The following RBFOX1 variants were observed in gnomAD, a reference collection of about 807,000 sequenced individuals.
The protein encoded by RBFOX1 is RNA binding fox-1 homolog 1.
RBFOX1 carries 8 observed loss-of-function variants against 57.7 expected under a neutral mutation model. The ratio of observed to expected loss-of-function variants is 0.14; its 90% confidence interval spans 0.08 to 0.25. The LOEUF is 0.25. Ranked by LOEUF, RBFOX1 falls within the 10% of genes least tolerant of loss-of-function variation. The pLI, the probability that RBFOX1 is intolerant of heterozygous loss-of-function variation, is 1.00. For missense variants in RBFOX1, 611 were observed against 548.5 expected (o/e 1.11, Z -1.14); for synonymous variants, 326 against 222.4 (o/e 1.47, Z -4.15).
intron 3 of RBFOX1, among the ~76,000 whole-genome samples, chr16:6,663,078 C>A (rs937909497): frequency 2.6e-5 from 4 of 152,152 alleles, no homozygotes; most frequent in East Asian, 1.9e-4. Context: ...AGGAGGGAAC[C>A]AGAAGTGGGC....
chr16:6,338,399 C>G (rs4328444), intron 2 of RBFOX1, among the ~76,000 whole-genome samples: 24,159 of 152,088 alleles, frequency 0.16, 2,042 homozygotes, highest in African/African-American at 0.21. Context: ...ACTAGAATAT[C>G]AGTCAGTAGG....
intron 2 of RBFOX1, among the ~76,000 whole-genome samples, chr16:6,322,688 C>T (rs1192710866): frequency 6.6e-6 from 1 of 152,162 alleles, no homozygotes; most frequent in East Asian, 1.9e-4. Context: ...CAATAATTGC[C>T]TTCCAGGGAG....
chr16:5,617,195 C>T (rs995464368), intron 3 of RBFOX1, among the ~76,000 whole-genome samples: 1 of 152,112 alleles, frequency 6.6e-6, no homozygotes. Context: ...TGCCAACATC[C>T]CCTCACTTCC....
intron 3 of RBFOX1, among the ~76,000 whole-genome samples, chr16:5,859,002 A>T (rs1213552186): frequency 6.6e-6 from 1 of 152,122 alleles, no homozygotes; most frequent in Non-Finnish European, 1.5e-5. Flanking sequence ...ATCACATGAG[A>T]TCAGGAGTTC....
intron 4 of RBFOX1, among the ~76,000 whole-genome samples, chr16:7,192,548 C>G (rs757725932): frequency 6.6e-6 from 1 of 152,120 alleles, no homozygotes; most frequent in South Asian, 2.1e-4. Flanking sequence ...AGACCAAAGA[C>G]AAATAACAGC....
At chr16:5,748,415 A>G (rs974138268) in intron 3 of RBFOX1, among the ~76,000 whole-genome samples, 6 of 152,122 alleles carry the variant, frequency 3.9e-5, no homozygotes, top group South Asian at 2.1e-4. Flanking sequence ...GCTGAGTTCA[A>G]TTCCTGGATA....
At chr16:5,978,606 C>A (rs1053498633) in intron 4 of RBFOX1, among the ~76,000 whole-genome samples, 15 of 152,200 alleles carry the variant, frequency 9.9e-5, no homozygotes, top group African/African-American at 3.6e-4. Flanking sequence ...TTTGGTTATC[C>A]CTTTTCACTA....
intron 4 of RBFOX1, among the ~76,000 whole-genome samples, chr16:7,419,612 CT>C (rs1316790933): frequency 2.0e-5 from 3 of 152,222 alleles, no homozygotes; most frequent in Non-Finnish European, 4.4e-5. Flanking sequence ...ACAGGGCCCC[CT>C]GCCCTTTCCC....
At chr16:6,213,699 G>C (rs1357223959) in intron 1 of RBFOX1, among the ~76,000 whole-genome samples, 3 of 152,212 alleles carry the variant, frequency 2.0e-5, no homozygotes, top group Admixed American at 6.5e-5. Flanking sequence ...AAATCATTCT[G>C]TGCTTAAGAG....
chr16:7,681,487 TAGTAGAGAAAGGC>T, intron 14 of RBFOX1, among the ~76,000 whole-genome samples: 3 of 152,120 alleles, frequency 2.0e-5, no homozygotes, highest in Non-Finnish European at 2.9e-5. Flanking sequence ...TCAGATTAAG[TAGTAGAGAAAGGC>T]TGTCATGAAA....
At position 6,925,101 on chromosome 16, in the gene RBFOX1, GGTT is replaced by G. The variant is rs1282540260; in HGVS notation, c.-15-126951_-15-126949del. ...CCAGTCTATCGTTGTTGGACATCTA[GGTT>G]GTTGGTTTTTTTTTTTTTTTTTTTT... On this transcript the variant is annotated intron_variant, in intron 3 of 15. Coordinates refer to ENST00000550418, the MANE Select transcript of RBFOX1 (RefSeq NM_018723.4). Among the ~76,000 whole-genome samples, 8 of 105,620 alleles carry G rather than the reference GGTT, an allele frequency of 7.6e-5. No homozygotes were observed. In the Admixed American group the frequency reaches 8.2e-4, roughly 11 times the overall value. 69.3% of individuals were successfully genotyped at this position (105,620 alleles called of 152,430 possible). A position where few individuals can be genotyped will look rare whatever the true frequency, so the allele number is the denominator to read the frequency against.
chr16:5,977,737 C>A (rs17139042), intron 4 of RBFOX1, among the ~76,000 whole-genome samples: 1 of 151,988 alleles, frequency 6.6e-6, no homozygotes, highest in Admixed American at 6.6e-5. Flanking sequence ...TCCAAAGATA[C>A]AGAAGGTCAG....
At chr16:6,220,138 C>T (rs1404653717) in intron 1 of RBFOX1, among the ~76,000 whole-genome samples, 1 of 151,890 alleles carries the variant, frequency 6.6e-6, no homozygotes, top group Non-Finnish European at 1.5e-5. Flanking sequence ...TATCATCTAT[C>T]TCGATATAGG....
intron 4 of RBFOX1, among the ~76,000 whole-genome samples, chr16:7,283,960 A>G (rs1168883870): frequency 6.6e-6 from 1 of 152,218 alleles, no homozygotes; most frequent in East Asian, 1.9e-4. Flanking sequence ...CCAGCTCTAG[A>G]TCCTGGGAAT....
intron 2 of RBFOX1, among the ~76,000 whole-genome samples, chr16:6,563,604 G>T (rs911884613): frequency 6.6e-6 from 1 of 152,098 alleles, no homozygotes; most frequent in South Asian, 2.1e-4. Context: ...AGCACTTTGC[G>T]AGGCCAAGGT....
At chr16:5,400,228 A>G (rs1236218755) in intron 1 of RBFOX1, among the ~76,000 whole-genome samples, 1 of 151,702 alleles carries the variant, frequency 6.6e-6, no homozygotes, top group South Asian at 2.1e-4. Flanking sequence ...AGTAACTGGG[A>G]TTACAGGTGC....
chr16:7,261,244 T>G (rs961536226), intron 4 of RBFOX1, among the ~76,000 whole-genome samples: 1 of 152,206 alleles, frequency 6.6e-6, no homozygotes, highest in African/African-American at 2.4e-5. Context: ...CTTTGTAGAA[T>G]AGTTCTGAGC....
chr16:6,891,760 A>G (rs753866851), intron 3 of RBFOX1, among the ~76,000 whole-genome samples: 1 of 152,340 alleles, frequency 6.6e-6, no homozygotes, highest in Non-Finnish European at 1.5e-5. Context: ...TCTGTCTTCA[A>G]TCCAATGTCT....
At chr16:7,489,367 A>T (rs565885478) in intron 4 of RBFOX1, among the ~76,000 whole-genome samples, 1 of 152,334 alleles carries the variant, frequency 6.6e-6, no homozygotes, top group Non-Finnish European at 1.5e-5. Flanking sequence ...GCAAATATTA[A>T]TCTCTTAATA....
Sources: allele counts gnomAD v4.1 joint callset (sites outside exome capture counted in the v4.1 genomes callset), GRCh38; gene constraint gnomAD v4.1.1; transcripts MANE v1.5; gene names NCBI Gene and HGNC (gene_info 2026-07-23, HGNC 2026-07-21).